The following FKBP5 variants were observed in gnomAD, a reference collection of about 807,000 sequenced individuals.
The protein encoded by FKBP5 is FKBP prolyl isomerase 5.
Under a neutral mutation model 50.5 loss-of-function variants are expected in FKBP5, and 23 were observed. The ratio of observed to expected loss-of-function variants is 0.46; its 90% CI spans 0.33 to 0.65. The LOEUF is 0.65. Among genes scored for constraint, FKBP5 ranks in the 30% least tolerant of loss-of-function variants. FKBP5 has a pLI of 0.02. For missense variants in FKBP5, 411 were observed against 553.1 expected, an observed-to-expected ratio of 0.74 and a Z score of 2.58; for synonymous variants, 176 against 190.6, an observed-to-expected ratio of 0.92 and a Z score of 0.63.
chr6:35,634,712 T>C (rs375456491), intron 3 of FKBP5, among the ~76,000 whole-genome samples: 1 of 84,966 alleles, frequency 1.2e-5, no homozygotes, highest in African/African-American at 3.5e-5. Context: ...ATAGGGGGAA[T>C]ACTTCTTTTT....
chr6:35,595,257 T>C (rs1238390448), intron 6 of FKBP5, among the ~76,000 whole-genome samples: 1 of 152,200 alleles, frequency 6.6e-6, no homozygotes, highest in East Asian at 1.9e-4. Flanking sequence ...GTCACTAAAC[T>C]TGAGACATCT....
intron 1 of FKBP5, among the ~76,000 whole-genome samples, chr6:35,727,739 C>T (rs1307029246): frequency 1.3e-5 from 2 of 152,234 alleles, no homozygotes; most frequent in African/African-American, 4.8e-5. Context: ...CCTCCCGCCC[C>T]CCGGACTGAG....
At position 35,659,916 on chromosome 6, in the gene FKBP5, T is replaced by C. The variant is rs937309918; in HGVS notation, c.-19-17073A>G. On this transcript the variant is annotated intron_variant, in intron 1 of 10. Coordinates refer to ENST00000357266, the MANE Select transcript of FKBP5 (RefSeq NM_004117.4). ...CCTTAACTCTTTTCCTCTGTTTACT[T>C]TGGGTTTAATTTTCCCTTCTTTTTC... 3.1e-4 allele frequency among the ~76,000 whole-genome samples: 26 copies of C among 84,460 alleles called. 9 individuals are homozygous for C. Among genetic ancestry groups the C allele is most frequent in the African/African-American group, 9.5e-4 (26 of 27,382 alleles). 55.4% of individuals were successfully genotyped at this position (84,460 alleles called of 152,430 possible).
At chr6:35,605,229 A>T (rs927327309) in intron 5 of FKBP5, among the ~76,000 whole-genome samples, 5 of 149,100 alleles carry the variant, frequency 3.4e-5, no homozygotes, top group African/African-American at 1.0e-4. Flanking sequence ...CAAATCATTT[A>T]AAGATATATA....
intron 8 of FKBP5, chr6:35,582,971 C>T (rs1762482936): frequency 1.2e-6 from 1 of 832,988 alleles, no homozygotes; most frequent in African/African-American, 1.8e-5. Flanking sequence ...CCTATAGTCC[C>T]AGCACTTTGG....
chr6:35,588,738 C>G (rs1762695654), intron 7 of FKBP5, among the ~76,000 whole-genome samples: 1 of 151,330 alleles, frequency 6.6e-6, no homozygotes, highest in South Asian at 2.1e-4. Context: ...GTAGTTGGGA[C>G]CACAAGCATG....
intron 6 of FKBP5, among the ~76,000 whole-genome samples, chr6:35,594,928 A>C (rs563836293): frequency 2.0e-5 from 3 of 152,232 alleles, no homozygotes; most frequent in Non-Finnish European, 2.9e-5. Flanking sequence ...GATTGATCTC[A>C]TGTTAAACAG....
chr6:35,575,926 G>T lies in FKBP5; in HGVS notation c.1283C>A (p.Ala428Glu). The T allele has an allele frequency of 6.2e-7, 1 of 1,610,082 alleles. No individual in the cohort carries two copies. Among genetic ancestry groups the T allele is most frequent in the Non-Finnish European group, 8.5e-7 (1 of 1,176,374 alleles). Residue 428 changes from alanine (A) to glutamate (E), a missense_variant, in exon 11 of 11, where the codon GCA becomes GAA. Ala to Glu is a moderately radical substitution (Grantham distance 107). Transcript: ENST00000357266. ...CCCTTCTGAAGTCTTCTTGCCCATT[G>T]CTTTATTGGCCTCTTCCTAAGGAAG... ...EQDAKEEANK[A>E]MGKKTSEGVT...
At chr6:35,621,559 AG>A (rs1763841415) in intron 3 of FKBP5, among the ~76,000 whole-genome samples, 1 of 151,048 alleles carries the variant, frequency 6.6e-6, no homozygotes, top group Non-Finnish European at 1.5e-5. Context: ...CGGAGGTTGC[AG>A]TGAGTAGAGA....
intron 3 of FKBP5, among the ~76,000 whole-genome samples, chr6:35,631,726 G>A (rs1581835007): frequency 1.3e-5 from 2 of 152,086 alleles, no homozygotes; most frequent in Non-Finnish European, 2.9e-5. Flanking sequence ...GGAGGCCGAG[G>A]TGGGTGGATC....
intron 2 of FKBP5, among the ~76,000 whole-genome samples, chr6:35,709,509 G>A (rs1359427107): frequency 1.3e-5 from 2 of 152,132 alleles, no homozygotes; most frequent in Admixed American, 1.3e-4. Context: ...TTCACCATGT[G>A]CAAATATAAC....
At chr6:35,598,129 T>C (rs1157908709) in intron 5 of FKBP5, among the ~76,000 whole-genome samples, 1 of 152,182 alleles carries the variant, frequency 6.6e-6, no homozygotes, top group Non-Finnish European at 1.5e-5. Context: ...TACCAAGCTC[T>C]TTCCCAGAGT....
At chr6:35,621,219 A>G (rs1236442277) in intron 3 of FKBP5, among the ~76,000 whole-genome samples, 1 of 152,250 alleles carries the variant, frequency 6.6e-6, no homozygotes, top group Admixed American at 6.5e-5. Flanking sequence ...ATTAGGCTAT[A>G]TAATTGTAAT....
chr6:35,652,130 A>G (rs143646047), intron 1 of FKBP5, among the ~76,000 whole-genome samples: 4,218 of 152,254 alleles, frequency 0.028, 164 homozygotes, highest in African/African-American at 0.095. Flanking sequence ...CACTTCCCCA[A>G]TCAATACCCT....
chr6:35,709,053 G>A (rs1766369718), intron 2 of FKBP5, among the ~76,000 whole-genome samples: 2 of 152,104 alleles, frequency 1.3e-5, no homozygotes, highest in Admixed American at 6.6e-5. Flanking sequence ...CTGTTTTCAC[G>A]CTGCTGATAA....
intron 1 of FKBP5, among the ~76,000 whole-genome samples, chr6:35,683,632 ATTTTTTTTT>A (rs777451189): frequency 1.8e-5 from 2 of 109,366 alleles, no homozygotes; most frequent in South Asian, 3.3e-4. Context: ...TGACTGGCTA[ATTTTTTTTT>A]TTTTTTTTTT....
chr6:35,597,518 T>C (rs1763013536), intron 5 of FKBP5, 114 bp from the exon 6 acceptor site: 2 of 1,238,076 alleles, frequency 1.6e-6, no homozygotes, highest in Non-Finnish European at 1.1e-6. Flanking sequence ...CCTTTCTCAT[T>C]TCATCAAGAG....
chr6:35,698,562 G>T (rs1285738476), intron 2 of FKBP5, among the ~76,000 whole-genome samples: 1 of 152,066 alleles, frequency 6.6e-6, no homozygotes, highest in Non-Finnish European at 1.5e-5. Flanking sequence ...CAGGAGAATC[G>T]CTTGAACCTG....
At chr6:35,636,499 T>C (rs1764312767) in intron 3 of FKBP5, among the ~76,000 whole-genome samples, 1 of 152,224 alleles carries the variant, frequency 6.6e-6, no homozygotes, top group Non-Finnish European at 1.5e-5. Context: ...GAGACAACCA[T>C]CATACTTTGG....
Sources: gnomAD v4.1 joint callset for allele counts (sites outside exome capture counted in the v4.1 genomes callset) on GRCh38, gnomAD v4.1.1 for gene constraint, MANE v1.5 for transcripts, NCBI Gene and HGNC (gene_info 2026-07-23, HGNC 2026-07-21) for gene names.